Variants in GNAQ observed in about 807,000 individuals in gnomAD.
The protein encoded by GNAQ is guanine nucleotide-binding protein G(q) subunit alpha.
A neutral mutation model predicts 43.9 loss-of-function variants in GNAQ; 8 were observed. The ratio of observed to expected loss-of-function variants is 0.18; its 90% CI spans 0.11 to 0.33. GNAQ has a LOEUF of 0.33. GNAQ is among the 10% of genes least tolerant of loss of function. The probability of loss-of-function intolerance (pLI) is 1.00; values close to 1 mark genes in which losing one functional copy is unlikely to be tolerated. For synonymous variants in GNAQ, 155 were observed against 170.7 expected (o/e 0.91, Z 0.71); for missense variants, 158 against 450.8 (o/e 0.35, Z 5.88).
At chr9:77,932,776 AAGT>A (rs1466263480) in intron 1 of GNAQ, among the ~76,000 whole-genome samples, 45 of 152,206 alleles carry the variant, frequency 3.0e-4, no homozygotes, top group African/African-American at 9.2e-4. Flanking sequence ...CAGCCTTGGA[AAGT>A]CTGAACCAGT....
chr9:77,898,523 T>C (rs1216870611), intron 2 of GNAQ, among the ~76,000 whole-genome samples: 2 of 152,166 alleles, frequency 1.3e-5, no homozygotes, highest in Non-Finnish European at 2.9e-5. Flanking sequence ...GAGCAACCTA[T>C]CTGTTAGTTA....
intron 1 of GNAQ, among the ~76,000 whole-genome samples, chr9:77,982,734 A>T (rs1458456014): frequency 1.2e-4 from 14 of 117,820 alleles, no homozygotes; most frequent in East Asian, 6.3e-4. Flanking sequence ...TTCTATGTTT[A>T]AAAAAAAAAA....
chr9:77,760,059 C>T (rs961926390), intron 5 of GNAQ, among the ~76,000 whole-genome samples: 1 of 100,022 alleles, frequency 1.0e-5, no homozygotes, highest in Non-Finnish European at 2.7e-5. Context: ...CCATGCCTGG[C>T]CTTTTTCTAA....
In GNAQ at chr9:78,030,664, C is replaced by T. The variant is rs975786009; in HGVS notation, c.136+436G>A. ...CCGGCTCCGCTCGCCACCCGCTGGG[C>T]CACACACACGGCTCCCCACGCCACC... On this transcript the variant is annotated intron_variant, in intron 1 of 6. Coordinates refer to ENST00000286548, the MANE Select transcript of GNAQ (RefSeq NM_002072.5). 1.4e-5 allele frequency: 6 copies of T among 421,872 alleles called. No individual in the cohort carries two copies. The Admixed American group carries it at 1.6e-4, about 11-fold the overall frequency. The allele number at this position is 421,872 out of a possible 1,614,324, so 26.1% of individuals were successfully genotyped here. A position where few individuals can be genotyped will look rare whatever the true frequency, so the allele number is the denominator to read the frequency against.
intron 3 of GNAQ, among the ~76,000 whole-genome samples, chr9:77,812,867 C>CAT (rs1350553832): frequency 1.3e-5 from 2 of 151,622 alleles, no homozygotes; most frequent in South Asian, 2.1e-4. Flanking sequence ...CGTATGTCTA[C>CAT]ATATATATAC....
rs1240726479 is a variant in GNAQ, at chr9:77,768,894, TCTGA to T, written c.735+25565_735+25568del. 3.3e-5 allele frequency among the ~76,000 whole-genome samples: 5 copies of T among 152,218 alleles called. 1 individual carries two copies. Among genetic ancestry groups the T allele is most frequent in the Admixed American group, 3.3e-4 (5 of 15,286 alleles). On this transcript the variant is annotated intron_variant, in intron 5 of 6. Transcript: ENST00000286548. ...ACTCCAAAATGTTCTGAGTGGAGTT[TCTGA>T]CTGAGTAGTAAATTCTGAATAAACT...
chr9:77,811,182 A>T (rs1826915914), intron 3 of GNAQ, among the ~76,000 whole-genome samples: 1 of 152,132 alleles, frequency 6.6e-6, no homozygotes, highest in South Asian at 2.1e-4. Flanking sequence ...GCACCAAAAG[A>T]AGTTGGTCCT....
chr9:77,811,436 GA>G (rs1303294367), intron 3 of GNAQ, among the ~76,000 whole-genome samples: 1 of 152,028 alleles, frequency 6.6e-6, no homozygotes, highest in Non-Finnish European at 1.5e-5. Flanking sequence ...AGTCAGAAAG[GA>G]AAAGGGCTAA....
Position 78,031,680 on chromosome 9 carries a change from C to T in GNAQ, c.-445G>A, listed in dbSNP as rs1824064752. The stretch of plus-strand genomic sequence containing the variant: ...ACCGGGGTGTCCCCGCAGCGAGCGG[C>T]CGCCGACGGCTCCCCGCGCCCGGCG... On this transcript the variant is annotated 5_prime_UTR_variant, in exon 1 of 7. Coordinates refer to ENST00000286548, the MANE Select transcript of GNAQ (RefSeq NM_002072.5). Among the ~76,000 whole-genome samples the T allele has an allele frequency of 2.7e-5, 4 of 147,492 alleles. No individual in the cohort carries two copies. In the South Asian group the frequency reaches 8.3e-4, roughly 31 times the overall value.
At position 77,720,044 on chromosome 9, in the gene GNAQ, CAT is replaced by C. The variant is rs1825286112; in HGVS notation, c.*1277_*1278del. On this transcript the variant is annotated 3_prime_UTR_variant, in exon 7 of 7. Coordinates refer to ENST00000286548, the MANE Select transcript of GNAQ (RefSeq NM_002072.5). Reference sequence around the variant, plus strand: ...GTAAAACTGGTTTCAAATAAAGAGACATAAACAGATTTCCTGTTAAACCACAC... The same window carrying C: ...GTAAAACTGGTTTCAAATAAAGAGACAAACAGATTTCCTGTTAAACCACAC... The C allele has an allele frequency of 8.6e-6, 2 of 232,610 alleles. No homozygotes were observed. Among genetic ancestry groups the C allele is most frequent in the African/African-American group, 4.4e-5 (2 of 45,314 alleles). The allele number at this position is 232,610 out of a possible 1,614,324, so 14.4% of individuals were successfully genotyped here.
chr9:77,739,270 C>G (rs1825617327), intron 5 of GNAQ, among the ~76,000 whole-genome samples: 1 of 152,160 alleles, frequency 6.6e-6, no homozygotes, highest in Non-Finnish European at 1.5e-5. Context: ...TTTCTTTGAA[C>G]AGCAGTGAGG....
intron 1 of GNAQ, among the ~76,000 whole-genome samples, chr9:77,944,911 A>C (rs1190479727): frequency 6.6e-6 from 1 of 152,196 alleles, no homozygotes; most frequent in Non-Finnish European, 1.5e-5. Flanking sequence ...AAAGGAAACA[A>C]GGGAGAGCCA....
intron 5 of GNAQ, among the ~76,000 whole-genome samples, chr9:77,786,932 G>GA (rs1826491224): frequency 1.3e-5 from 2 of 152,084 alleles, no homozygotes; most frequent in Non-Finnish European, 2.9e-5. Context: ...AACACATCCA[G>GA]AAAGTCCATA....
rs558664347 is a variant in GNAQ at position 77,721,356 on chromosome 9, G to A, written c.1047C>T (p.Leu349=). ...GATTGTACTCCTTCAGGTTCAACTG[G>A]AGGATGGTGTCCTTGACGGCAGCAA... is the stretch of plus-strand genomic sequence containing the variant. The part of the protein sequence containing the change: ...FVFAAVKDTI[L]QLNLKEYNLV The change falls in exon 7 of 7, where the codon CTC becomes CTT. Residue 349 remains leucine, a synonymous_variant. Coordinates refer to ENST00000286548, the MANE Select transcript of GNAQ (RefSeq NM_002072.5). 1.2e-6 allele frequency: 2 copies of A among 1,612,220 alleles called. No individual in the cohort carries two copies. The highest frequency in any genetic ancestry group is 1.1e-5 in the South Asian group (1 of 90,960).
intron 1 of GNAQ, among the ~76,000 whole-genome samples, chr9:78,014,189 G>A (rs1303019956): frequency 6.6e-6 from 1 of 152,144 alleles, no homozygotes; most frequent in East Asian, 1.9e-4. Context: ...AGGAATAGGG[G>A]TAGCTGCAAG....
At chr9:77,868,789 A>G (rs957014453) in intron 2 of GNAQ, among the ~76,000 whole-genome samples, 2 of 151,972 alleles carry the variant, frequency 1.3e-5, no homozygotes, top group Admixed American at 6.6e-5. Flanking sequence ...GCGAGACTCC[A>G]TCTCAAAACA....
intron 1 of GNAQ, among the ~76,000 whole-genome samples, chr9:77,923,354 C>T (rs2118281056): frequency 6.6e-6 from 1 of 152,132 alleles, no homozygotes; most frequent in South Asian, 2.1e-4. Context: ...AGCTTTTTTT[C>T]CTTCTGTGCT....
At chr9:77,784,663 C>A (rs1826449224) in intron 5 of GNAQ, among the ~76,000 whole-genome samples, 1 of 152,008 alleles carries the variant, frequency 6.6e-6, no homozygotes, top group Non-Finnish European at 1.5e-5. Flanking sequence ...TTGATAAATT[C>A]AATGTAGTGA....
At chr9:78,024,134 T>C (rs1208083604) in intron 1 of GNAQ, among the ~76,000 whole-genome samples, 3 of 152,186 alleles carry the variant, frequency 2.0e-5, no homozygotes, top group African/African-American at 4.8e-5. Context: ...CAGCTTTCCA[T>C]TGGAACAGCT....
Sources: allele counts gnomAD v4.1 joint callset (sites outside exome capture counted in the v4.1 genomes callset), GRCh38; gene constraint gnomAD v4.1.1; transcripts MANE v1.5; gene names NCBI Gene and HGNC (gene_info 2026-07-23, HGNC 2026-07-21).